TNS1: variants seen among roughly 807,000 people sequenced by gnomAD.
TNS1 encodes the protein tensin-1.
TNS1 carries 62 observed loss-of-function variants against 168.6 expected under a neutral mutation model. The observed-to-expected ratio is 0.37, with a 90% CI of 0.30 to 0.45. The LOEUF is 0.45. Ranked by LOEUF, TNS1 falls within the 20% of genes least tolerant of loss-of-function variation. The pLI, the probability that TNS1 is intolerant of heterozygous loss-of-function variation, is 1.00. For synonymous variants in TNS1, 934 were observed against 933.2 expected (o/e 1.00, Z -0.02); for missense variants, 2,240 against 2,339.4 (o/e 0.96, Z 0.88).
chr2:217,821,167 AT>A (rs1942789132), intron 23 of TNS1, among the ~76,000 whole-genome samples: 1 of 152,080 alleles, frequency 6.6e-6, no homozygotes, highest in African/African-American at 2.4e-5. Flanking sequence ...TCTGACTCTC[AT>A]CCTGTGCAGG....
intron 3 of TNS1, among the ~76,000 whole-genome samples, chr2:217,926,641 T>C (rs1191827079): frequency 6.6e-6 from 1 of 152,246 alleles, no homozygotes; most frequent in East Asian, 1.9e-4. Flanking sequence ...CCAAGTGGAA[T>C]AACTAGTGGT....
intron 2 of TNS1, among the ~76,000 whole-genome samples, chr2:217,990,564 G>A (rs1958339459): frequency 6.6e-6 from 1 of 150,688 alleles, no homozygotes; most frequent in Non-Finnish European, 1.5e-5. Context: ...CCACACACCA[G>A]CCACATGCCA....
intron 1 of TNS1, among the ~76,000 whole-genome samples, chr2:218,023,142 C>T (rs1268150574): frequency 6.6e-6 from 1 of 152,174 alleles, no homozygotes; most frequent in African/African-American, 2.4e-5. Context: ...ACCAAGGGAC[C>T]ATTGAGAACA....
intron 3 of TNS1, chr2:217,937,257 T>C (rs1029097210): frequency 3.1e-5 from 11 of 349,648 alleles, no homozygotes; most frequent in African/African-American, 1.9e-4. Context: ...TTAACTGGCA[T>C]AGGGTGGATG....
chr2:218,005,837 G>A (rs181487002), upstream of TNS1, among the ~76,000 whole-genome samples: 19 of 152,096 alleles, frequency 1.2e-4, no homozygotes, highest in Admixed American at 2.0e-4. Flanking sequence ...GTACACTTTT[G>A]CCCACAATTT....
chr2:217,848,756 G>A lies in TNS1; in HGVS notation c.1761C>T (p.His587=). 6.2e-7 allele frequency: 1 copy of A among 1,614,204 alleles called. No individual in the cohort carries two copies. Among genetic ancestry groups the A allele is most frequent in the Non-Finnish European group, 8.5e-7 (1 of 1,180,038 alleles). Residue 587 remains histidine, a synonymous_variant, in exon 19 of 33, where the codon CAC becomes CAT. Coordinates refer to ENST00000682258, the MANE Select transcript of TNS1 (RefSeq NM_001387777.1). ...EKQGAMYHTQ[H]LRSRPAGGSA... ...AGCCCCCTGCTGGGCGGGACCTGAG[G>A]TGCTGGGTGTGGTACATGGCGCCTT...
chr2:217,888,536 T>G lies in TNS1; in HGVS notation c.867-1890A>C, dbSNP rs140684592. ...GCTGCATCCTCACCCAAATCTCATC[T>G]TGAGTTGTAGCTCCCATAATTCCCT... On this transcript the variant is annotated intron_variant, in intron 12 of 32. Transcript: ENST00000682258. Among the ~76,000 whole-genome samples the G allele has an allele frequency of 5.5e-4, 84 of 152,340 alleles. 1 individual carries two copies. Among genetic ancestry groups the G allele is most frequent in the African/African-American group, 1.8e-3 (75 of 41,582 alleles).
At chr2:217,953,426 C>T (rs1033519601) in intron 3 of TNS1, among the ~76,000 whole-genome samples, 1 of 152,168 alleles carries the variant, frequency 6.6e-6, no homozygotes, top group Non-Finnish European at 1.5e-5. Context: ...TACAGCCAAT[C>T]GGCCATTAAC....
intron 22 of TNS1, among the ~76,000 whole-genome samples, chr2:217,824,347 G>C (rs746835933): frequency 3.9e-5 from 6 of 152,318 alleles, no homozygotes; most frequent in Middle Eastern, 3.4e-3. Flanking sequence ...GGGTGACCTA[G>C]ACAGGGCCCA....
chr2:217,921,968 A>G (rs1161928376), intron 3 of TNS1, among the ~76,000 whole-genome samples: 5 of 152,226 alleles, frequency 3.3e-5, no homozygotes, highest in African/African-American at 1.2e-4. Flanking sequence ...CTAAGTCCCA[A>G]GATGACATGT....
chr2:217,836,174 TG>T lies in TNS1; in HGVS notation c.3044del (p.Pro1015GlnfsTer96). ...QAREKQPAEP[P>X]APLRRRAASD... The stretch of plus-strand genomic sequence containing the variant: ...TGGCCGCCCGCCTCCGCAGAGGGGC[TG>T]GGGGCTCTGCAGGCTGCTTCTCCCG... On this transcript the variant is annotated frameshift_variant, in exon 20 of 33. Transcript: ENST00000682258. LOFTEE classifies it high-confidence loss of function. The T allele has an allele frequency of 6.2e-7, 1 of 1,613,266 alleles. No homozygotes were observed. Among genetic ancestry groups the T allele is most frequent in the Non-Finnish European group, 8.5e-7 (1 of 1,179,658 alleles).
intron 2 of TNS1, among the ~76,000 whole-genome samples, chr2:217,984,634 G>A (rs1958144687): frequency 6.6e-6 from 1 of 151,592 alleles, no homozygotes; most frequent in African/African-American, 2.4e-5. Flanking sequence ...GACTACAGGT[G>A]TGCACCACCA....
chr2:217,893,031 C>T lies in TNS1; in HGVS notation c.718-19G>A, dbSNP rs754656067. ...GGTTTCCCTGAAAGAGCCCCAAACACAAAATCATTTATTTCTAAGGCCAGC... is the reference window on the plus strand; with the variant it reads ...GGTTTCCCTGAAAGAGCCCCAAACATAAAATCATTTATTTCTAAGGCCAGC... On this transcript the variant is annotated intron_variant, in intron 10 of 32. Transcript: ENST00000682258. 6.2e-7 allele frequency: 1 copy of T among 1,613,986 alleles called. No homozygotes were observed. The highest frequency in any genetic ancestry group is 1.1e-5 in the South Asian group (1 of 91,064).
rs777233136 is a variant in TNS1 at position 217,812,461 on chromosome 2, C to T, written c.4955-16G>A. On this transcript the variant is annotated splice_polypyrimidine_tract_variant and intron_variant, in intron 27 of 32. Transcript: ENST00000682258. ...GACAGCGATCCTGTAGGGAGGCAGA[C>T]GGCATGTCATGGGCAGTGATACTGG... 1.4e-5 allele frequency: 22 copies of T among 1,612,650 alleles called. No homozygotes were observed. Among genetic ancestry groups the T allele is most frequent in the Admixed American group, 3.3e-5 (2 of 59,948 alleles).
intron 23 of TNS1, among the ~76,000 whole-genome samples, chr2:217,820,840 T>C (rs1266272931): frequency 1.3e-5 from 2 of 152,130 alleles, no homozygotes; most frequent in Non-Finnish European, 2.9e-5. Context: ...CACCCACCTC[T>C]GGGCTTTCAT....
intron 19 of TNS1, among the ~76,000 whole-genome samples, chr2:217,843,904 C>G (rs529642994): frequency 2.0e-5 from 3 of 152,250 alleles, no homozygotes; most frequent in South Asian, 4.1e-4. Context: ...ATTCCAAAAC[C>G]TGTAGCTCTT....
chr2:217,978,790 G>A lies in TNS1; in HGVS notation c.161C>T (p.Ser54Phe), dbSNP rs532140405. ...EGCTCKVCSF[S>F]CHRKCQAKVA... ...CTTGGCCTGGCATTTCCGATGACAGGAGAAGCTGCAGACTGCAAGAGGGCG... is the reference window on the plus strand; with the variant it reads ...CTTGGCCTGGCATTTCCGATGACAGAAGAAGCTGCAGACTGCAAGAGGGCG... The change falls in exon 3 of 33, where the codon TCC (serine) becomes TTC (phenylalanine). Residue 54 changes from serine (S) to phenylalanine (F), a missense_variant. Ser to Phe is a radical substitution (Grantham distance 155, BLOSUM62 -2). Transcript: ENST00000682258. 188 of 702,332 alleles carry A rather than the reference G, an allele frequency of 2.7e-4. 4 individuals are homozygous for A. The South Asian group carries it at 2.7e-3, about 10-fold the overall frequency. 43.5% of individuals were successfully genotyped at this position (702,332 alleles called of 1,614,324 possible). A position where few individuals can be genotyped will look rare whatever the true frequency, so the allele number is the denominator to read the frequency against.
chr2:217,855,310 C>T (rs1374660499), intron 18 of TNS1, among the ~76,000 whole-genome samples: 1 of 152,214 alleles, frequency 6.6e-6, no homozygotes, highest in Non-Finnish European at 1.5e-5. Context: ...TGCCCTTCCT[C>T]ATCCTGCCCG....
chr2:217,824,659 T>G (rs1476706450), intron 22 of TNS1, among the ~76,000 whole-genome samples: 2 of 152,040 alleles, frequency 1.3e-5, no homozygotes, highest in African/African-American at 4.8e-5. Context: ...GTAACCCAAC[T>G]TGGGAGAAGA....
Sources: allele counts gnomAD v4.1 joint callset (sites outside exome capture counted in the v4.1 genomes callset), GRCh38; gene constraint gnomAD v4.1.1; transcripts MANE v1.5; gene names NCBI Gene and HGNC (gene_info 2026-07-23, HGNC 2026-07-21).